Variants in PTPRD observed in about 807,000 individuals in gnomAD.
PTPRD encodes the protein receptor-type tyrosine-protein phosphatase delta.
In PTPRD, 34 loss-of-function variants were observed where a neutral mutation model predicts 214.5. That is an observed-to-expected ratio of 0.16 (90% confidence interval 0.12 to 0.21). PTPRD has a LOEUF of 0.21. Among genes scored for constraint, PTPRD ranks in the 10% least tolerant of loss-of-function variants. The probability of loss-of-function intolerance (pLI) is 1.00; values close to 1 mark genes in which losing one functional copy is unlikely to be tolerated. For synonymous variants in PTPRD, 1,128 were observed against 845.7 expected (o/e 1.33, Z -5.79); for missense variants, 2,545 against 2,398.7 (o/e 1.06, Z -1.27).
intron 7 of PTPRD, among the ~76,000 whole-genome samples, chr9:9,591,101 A>G (rs772759225): frequency 3.9e-5 from 6 of 152,042 alleles, no homozygotes; most frequent in African/African-American, 1.4e-4. Flanking sequence ...TATGGACCTT[A>G]AAATAGGAGG....
chr9:9,428,960 T>G (rs890347986), intron 8 of PTPRD, among the ~76,000 whole-genome samples: 24 of 152,080 alleles, frequency 1.6e-4, no homozygotes, highest in Non-Finnish European at 3.1e-4. Context: ...AGGAAAGATC[T>G]AAAATTGACA....
At chr9:8,614,384 C>T (rs1172529251) in intron 14 of PTPRD, among the ~76,000 whole-genome samples, 3 of 152,138 alleles carry the variant, frequency 2.0e-5, no homozygotes, top group Non-Finnish European at 4.4e-5. Flanking sequence ...GAGGTTTGAT[C>T]ATCCCATGAC....
intron 4 of PTPRD, among the ~76,000 whole-genome samples, chr9:10,025,147 G>A (rs2096899557): frequency 6.6e-6 from 1 of 152,132 alleles, no homozygotes; most frequent in African/African-American, 2.4e-5. Flanking sequence ...TATATACCCA[G>A]TAATGGGATG....
rs1238221556 is a variant in PTPRD at position 10,497,178 on chromosome 9, A to T, written c.-600+115220T>A. On this transcript the variant is annotated intron_variant, in intron 2 of 45. Coordinates refer to ENST00000381196, the MANE Select transcript of PTPRD (RefSeq NM_002839.4). ...GGAGGGAGGAATGGGGGCGTGGGGC[A>T]AAAACTACCTTACTAGTACTATGCT... is the stretch of plus-strand genomic sequence containing the variant. Among the ~76,000 whole-genome samples, 3 of 151,948 alleles carry T rather than the reference A, an allele frequency of 2.0e-5. No individual in the cohort carries two copies. The South Asian group carries it at 6.2e-4, about 31-fold the overall frequency.
Position 8,978,751 on chromosome 9 carries a change from A to G in PTPRD, c.-104+39946T>C, listed in dbSNP as rs945931717. ...AGAGACACAAGGAACAATGGAGGAA[A>G]TAGTAGTTGCCACATGGAGTCTTAA... On this transcript the variant is annotated intron_variant, in intron 11 of 45. Transcript: ENST00000381196. Among the ~76,000 whole-genome samples, 4 of 152,154 alleles carry G rather than the reference A, an allele frequency of 2.6e-5. No individual in the cohort carries two copies. The East Asian group carries it at 7.7e-4, about 29-fold the overall frequency.
chr9:8,425,896 T>C (rs2131857907), intron 35 of PTPRD, among the ~76,000 whole-genome samples: 1 of 152,300 alleles, frequency 6.6e-6, no homozygotes, highest in South Asian at 2.1e-4. Context: ...CTTTTTTTGA[T>C]ATTTTAATGT....
Position 10,520,321 on chromosome 9 carries a change from C to A in PTPRD, c.-600+92077G>T, listed in dbSNP as rs552974138. On this transcript the variant is annotated intron_variant, in intron 2 of 45. Transcript: ENST00000381196. ...CCAACCACATTTCCTTAAGCCAAGC[C>A]CTAAACCAGAGCACAAACCTAACTC... is the stretch of plus-strand genomic sequence containing the variant. 2.6e-5 allele frequency among the ~76,000 whole-genome samples: 4 copies of A among 152,216 alleles called. No homozygotes were observed. The South Asian group carries it at 8.3e-4, about 32-fold the overall frequency.
At chr9:9,037,831 C>A (rs1423708093) in intron 10 of PTPRD, among the ~76,000 whole-genome samples, 1 of 152,042 alleles carries the variant, frequency 6.6e-6, no homozygotes. Flanking sequence ...TTTCAGGGCA[C>A]CTGGAAGCAC....
intron 11 of PTPRD, among the ~76,000 whole-genome samples, chr9:8,965,356 G>A (rs930297109): frequency 4.0e-5 from 6 of 151,152 alleles, no homozygotes; most frequent in Non-Finnish European, 7.4e-5. Context: ...CTCCAGCCTG[G>A]GTGACAGAGC....
chr9:9,456,435 A>G (rs2093010622), intron 8 of PTPRD, among the ~76,000 whole-genome samples: 1 of 151,944 alleles, frequency 6.6e-6, no homozygotes, highest in Non-Finnish European at 1.5e-5. Context: ...TAAATGACAG[A>G]GAGAAAGAAT....
chr9:8,858,845 A>G (rs1586761086), intron 11 of PTPRD, among the ~76,000 whole-genome samples: 1 of 151,082 alleles, frequency 6.6e-6, no homozygotes. Flanking sequence ...ACACACAGAC[A>G]CACAGACACA....
rs547928113 is a variant in PTPRD, at chr9:9,125,998, C to G, written c.-143+57306G>C. 1.6e-4 allele frequency among the ~76,000 whole-genome samples: 24 copies of G among 152,130 alleles called. 1 individual carries two copies. Among genetic ancestry groups the G allele is most frequent in the South Asian group, 1.0e-3 (5 of 4,814 alleles). On this transcript the variant is annotated intron_variant, in intron 10 of 45. Transcript: ENST00000381196. ...AAGATGAGTAAGAGCTTAGGGTGCT[C>G]CAGGTACAGAATGGAGGGTATCATG...
At chr9:10,542,270 T>A (rs985655359) in intron 2 of PTPRD, among the ~76,000 whole-genome samples, 1 of 152,188 alleles carries the variant, frequency 6.6e-6, no homozygotes, top group Non-Finnish European at 1.5e-5. Context: ...CAAAACAGCA[T>A]GAATTTTTTA....
chr9:10,587,495 G>A (rs1453202978), intron 2 of PTPRD, among the ~76,000 whole-genome samples: 1 of 152,028 alleles, frequency 6.6e-6, no homozygotes, highest in Non-Finnish European at 1.5e-5. Flanking sequence ...AGTAAGGAGA[G>A]TTGCAGGAGG....
intron 11 of PTPRD, among the ~76,000 whole-genome samples, chr9:8,789,910 G>C (rs1055955135): frequency 6.6e-6 from 1 of 152,068 alleles, no homozygotes; most frequent in Non-Finnish European, 1.5e-5. Context: ...TCTTAAACAA[G>C]ACACAAAAAG....
At chr9:8,329,949 C>A in intron 44 of PTPRD, among the ~76,000 whole-genome samples, 1 of 55,204 alleles carries the variant, frequency 1.8e-5, no homozygotes, top group African/African-American at 5.3e-4. Context: ...TCTTGCTGGG[C>A]TCTGTGGGAG....
chr9:8,897,197 C>T (rs2098624525), intron 11 of PTPRD, among the ~76,000 whole-genome samples: 1 of 152,130 alleles, frequency 6.6e-6, no homozygotes, highest in Admixed American at 6.6e-5. Flanking sequence ...CCTGTGGGTT[C>T]CCTGCTGAAG....
chr9:8,753,388 G>A (rs2093702097), intron 11 of PTPRD, among the ~76,000 whole-genome samples: 1 of 152,194 alleles, frequency 6.6e-6, no homozygotes, highest in Admixed American at 6.5e-5. Context: ...CCTTAAGCAG[G>A]TTCTGCCGGG....
intron 14 of PTPRD, among the ~76,000 whole-genome samples, chr9:8,545,770 T>C (rs1305209268): frequency 1.3e-5 from 2 of 152,246 alleles, no homozygotes; most frequent in African/African-American, 4.8e-5. Flanking sequence ...TTAAGTTGAA[T>C]GAATGACATG....
Sources: allele counts gnomAD v4.1 joint callset (sites outside exome capture counted in the v4.1 genomes callset), GRCh38; gene constraint gnomAD v4.1.1; transcripts MANE v1.5; gene names NCBI Gene and HGNC (gene_info 2026-07-23, HGNC 2026-07-21).